Variants in ZNF710 observed in about 807,000 individuals in gnomAD.
The protein encoded by ZNF710 is zinc finger protein 710.
A neutral mutation model predicts 50.6 loss-of-function variants in ZNF710; 13 were observed. The observed-to-expected ratio is 0.26, with a 90% CI of 0.17 to 0.41. The LOEUF is 0.41. ZNF710 is among the 10% of genes least tolerant of loss of function. The pLI is 1.00. For missense variants in ZNF710, 721 were observed against 936.6 expected (o/e 0.77, Z 3.01); for synonymous variants, 383 against 397.0 (o/e 0.96, Z 0.42).
chr15:90,067,676 C>T lies in ZNF710; in HGVS notation c.539C>T (p.Pro180Leu), dbSNP rs200113925. 211 of 1,612,866 alleles carry T rather than the reference C, an allele frequency of 1.3e-4. No homozygotes were observed. The African/African-American group carries it at 2.4e-3, about 19-fold the overall frequency. ...CGGCATCTGCCCCGAACCCCGAGGC[C>T]GGAGCTGAACGTGGCCCCATATGAC... ...TLRHLPRTPR[P>L]ELNVAPYDPH... Residue 180 changes from proline (P) to leucine (L), a missense_variant, in exon 2 of 5, where the codon CCG becomes CTG. By Grantham distance (98) the Pro-to-Leu change is moderately conservative. Around this residue, in one of 3 missense-constraint regions of ZNF710, gnomAD observed 326 missense variants for 347.1 expected, o/e 0.94. Transcript: ENST00000268154. The surrounding 1 kb of genome is among the most constrained non-coding windows in gnomAD (Gnocchi z 8.1).
At chr15:90,041,551 A>G (rs1031183843) in intron 1 of ZNF710, among the ~76,000 whole-genome samples, 6 of 152,200 alleles carry the variant, frequency 3.9e-5, no homozygotes, top group Non-Finnish European at 8.8e-5. Flanking sequence ...ACTTTAATAT[A>G]TTAAAATAAC....
At chr15:90,076,478 T>C (rs887122297) in intron 4 of ZNF710, 2 of 152,250 alleles carry the variant, frequency 1.3e-5, no homozygotes, top group Non-Finnish European at 2.9e-5. Flanking sequence ...CTCACGCCTA[T>C]AATCCCAACA....
intron 1 of ZNF710, among the ~76,000 whole-genome samples, chr15:90,060,212 A>G (rs1033325010): frequency 2.0e-5 from 3 of 151,668 alleles, no homozygotes; most frequent in African/African-American, 7.3e-5. Flanking sequence ...TGCCCCTTCT[A>G]TCTACCCACA....
chr15:90,039,616 A>G (rs1899237760), intron 1 of ZNF710, among the ~76,000 whole-genome samples: 1 of 152,174 alleles, frequency 6.6e-6, no homozygotes, highest in South Asian at 2.1e-4. Flanking sequence ...CATGATTAGG[A>G]GCCCTCGGTG....
At chr15:90,072,051 G>C (rs371361559) in intron 2 of ZNF710, among the ~76,000 whole-genome samples, 2 of 151,632 alleles carry the variant, frequency 1.3e-5, no homozygotes, top group East Asian at 3.9e-4. Flanking sequence ...TGATCCTCTT[G>C]CCTCAGCCTC....
chr15:90,080,039 G>A lies in ZNF710; in HGVS notation c.*210G>A. 2.1e-6 allele frequency: 1 copy of A among 475,812 alleles called. No homozygotes were observed. The highest frequency in any genetic ancestry group is 3.3e-5 in the South Asian group (1 of 30,518). 29.5% of individuals were successfully genotyped at this position (475,812 alleles called of 1,614,324 possible). A position where few individuals can be genotyped will look rare whatever the true frequency, so the allele number is the denominator to read the frequency against. The stretch of plus-strand genomic sequence containing the variant: ...CGGCTGTGAGCCAGCACAGGCCCAG[G>A]CATCCCAGCAAGGGAAGGAGAACAC... On this transcript the variant is annotated 3_prime_UTR_variant, in exon 5 of 5. Transcript: ENST00000268154.
chr15:90,067,298 C>T lies in ZNF710; in HGVS notation c.161C>T (p.Ala54Val), dbSNP rs775296142. 1.2e-6 allele frequency: 2 copies of T among 1,611,120 alleles called. No homozygotes were observed. Among genetic ancestry groups the T allele is most frequent in the South Asian group, 2.2e-5 (2 of 90,668 alleles). Residue 54 changes from alanine to valine, a missense_variant, in exon 2 of 5, where the codon GCA (alanine) becomes GTA (valine). Around this residue, in one of 3 missense-constraint regions of ZNF710, gnomAD observed 326 missense variants for 347.1 expected, o/e 0.94. Coordinates refer to ENST00000268154, the MANE Select transcript of ZNF710 (RefSeq NM_198526.4). This position sits in a 1 kb window ranked among gnomAD's most constrained non-coding sequence, Gnocchi z 8.1. Reference protein sequence around the residue: ...YPDLGPELSGAAMGEPEPPGP... With the variant: ...YPDLGPELSGVAMGEPEPPGP... ...GACCTGGGGCCCGAGCTTTCAGGGG[C>T]AGCCATGGGAGAGCCCGAGCCACCA...
intron 1 of ZNF710, among the ~76,000 whole-genome samples, chr15:90,056,331 T>C (rs932210524): frequency 3.3e-5 from 5 of 151,998 alleles, no homozygotes; most frequent in African/African-American, 4.8e-5. Context: ...GGAGAATCAA[T>C]TGAATCCAGA....
intron 1 of ZNF710, among the ~76,000 whole-genome samples, chr15:90,001,981 G>C (rs957749404): frequency 6.7e-6 from 1 of 148,910 alleles, no homozygotes; most frequent in Non-Finnish European, 1.5e-5. Flanking sequence ...GAGAGAGAGA[G>C]AGAGAGAGAG....
chr15:90,079,654 T>G lies in ZNF710; in HGVS notation c.1826-6T>G. ...AGCCAGGTCTGACTGTGCCCCTCTC[T>G]TACAGACCCCATGATGGAGCTGACA... On this transcript the variant is annotated splice_polypyrimidine_tract_variant and splice_region_variant and intron_variant, in intron 4 of 4. Coordinates refer to ENST00000268154, the MANE Select transcript of ZNF710 (RefSeq NM_198526.4). 1 of 1,612,062 alleles carries G rather than the reference T, an allele frequency of 6.2e-7. No homozygotes were observed. The highest frequency in any genetic ancestry group is 8.5e-7 in the Non-Finnish European group (1 of 1,179,180).
rs1399013686 is a variant in ZNF710, at chr15:90,001,497, G to GTGGAGGC, written c.-145_-139dup. The GTGGAGGC allele has an allele frequency of 2.0e-5, 3 of 150,688 alleles. No homozygotes were observed. The highest frequency in any genetic ancestry group is 3.2e-3 in the Middle Eastern group (1 of 310). The allele number at this position is 150,688 out of a possible 1,614,324, so 9.3% of individuals were successfully genotyped here. On this transcript the variant is annotated 5_prime_UTR_variant, in exon 1 of 5. Transcript: ENST00000268154. ...CGGCAGGAGCAGGCGGCGGGCGCGC[G>GTGGAGGC]TGGAGGCGGGCGGCGGGCGCACAGC...
intron 1 of ZNF710, among the ~76,000 whole-genome samples, chr15:90,057,164 G>A (rs1788199229): frequency 6.6e-6 from 1 of 152,160 alleles, no homozygotes; most frequent in African/African-American, 2.4e-5. Context: ...TCCAAGAGAG[G>A]AAACTTTGGC....
At chr15:90,076,349 C>A (rs1348246682) in intron 4 of ZNF710, 1 of 152,238 alleles carries the variant, frequency 6.6e-6, no homozygotes, top group African/African-American at 2.4e-5. Context: ...TGGATCTGCC[C>A]TGTTGCTAAC....
rs1315872304 is a variant in ZNF710, at chr15:90,068,079, C to G, written c.942C>G (p.Ile314Met). Residue 314 changes from isoleucine to methionine, a missense_variant, in exon 2 of 5, where the codon ATC (isoleucine) becomes ATG (methionine). Around this residue, in one of 3 missense-constraint regions of ZNF710, gnomAD observed 326 missense variants for 522.0 expected, o/e 0.62. Transcript: ENST00000268154. The surrounding 1 kb of genome is among the most constrained non-coding windows in gnomAD (Gnocchi z 5.0). ...CCAAGTACAACCTGGTGACGCACATCCTGGGCCACAACGGCATCAAGCCAC... is the reference window on the plus strand; with the variant it reads ...CCAAGTACAACCTGGTGACGCACATGCTGGGCCACAACGGCATCAAGCCAC... ...YTSKYNLVTH[I>M]LGHNGIKPHS... 1 of 1,614,258 alleles carries G rather than the reference C, an allele frequency of 6.2e-7. No homozygotes were observed. The highest frequency in any genetic ancestry group is 8.5e-7 in the Non-Finnish European group (1 of 1,180,050).
rs1481952365 is a variant in ZNF710, at chr15:90,067,697, A to G, written c.560A>G (p.Tyr187Cys). 1.2e-6 allele frequency: 2 copies of G among 1,611,222 alleles called. No individual in the cohort carries two copies. The highest frequency in any genetic ancestry group is 1.7e-5 in the Admixed American group (1 of 59,862). ...TPRPELNVAP[Y>C]DPHFPAPARD... is the part of the protein sequence containing the mutation. Reference sequence around the variant, plus strand: ...AGGCCGGAGCTGAACGTGGCCCCATATGACCCTCACTTCCCGGCCCCGGCC... The same window carrying G: ...AGGCCGGAGCTGAACGTGGCCCCATGTGACCCTCACTTCCCGGCCCCGGCC... The change falls in exon 2 of 5, where the codon TAT becomes TGT. Residue 187 changes from tyrosine (Y) to cysteine (C), a missense_variant. Tyr to Cys is a radical substitution (Grantham distance 194). Coordinates refer to ENST00000268154, the MANE Select transcript of ZNF710 (RefSeq NM_198526.4). This position sits in a 1 kb window ranked among gnomAD's most constrained non-coding sequence, Gnocchi z 8.1.
At position 90,042,227 on chromosome 15, in the gene ZNF710, C is replaced by T. The variant is rs114185054; in HGVS notation, c.-28-24883C>T. On this transcript the variant is annotated intron_variant, in intron 1 of 4. Transcript: ENST00000268154. ...GCCTCTTTGTATTTTCCATGCCCCC[C>T]CTTCTCTCCAGCCTCCTTGTTGGGT... Among the ~76,000 whole-genome samples the T allele has an allele frequency of 9.1e-3, 1,386 of 152,192 alleles. 22 individuals are homozygous for T. The highest frequency in any genetic ancestry group is 0.031 in the African/African-American group (1,298 of 41,516).
In ZNF710 at chr15:90,034,428, CTGTGTGTGTGTGTGTGTGTG is replaced by C. The variant is rs398028304; in HGVS notation, c.-28-32654_-28-32635del. Among the ~76,000 whole-genome samples, 33 of 136,278 alleles carry C rather than the reference CTGTGTGTGTGTGTGTGTGTG, an allele frequency of 2.4e-4. No homozygotes were observed. The highest frequency in any genetic ancestry group is 1.6e-3 in the East Asian group (7 of 4,436). The allele number at this position is 136,278 out of a possible 152,430, so 89.4% of individuals were successfully genotyped here. A position where few individuals can be genotyped will look rare whatever the true frequency, so the allele number is the denominator to read the frequency against. ...AGCTGTCCTTCCTGTTTCCAAATTC[CTGTGTGTGTGTGTGTGTGTG>C]TGTGTGTGTGTGTGTGTGTGTGTGT... On this transcript the variant is annotated intron_variant, in intron 1 of 4. Coordinates refer to ENST00000268154, the MANE Select transcript of ZNF710 (RefSeq NM_198526.4). The surrounding 1 kb of genome is among the most constrained non-coding windows in gnomAD (Gnocchi z 4.0).
In ZNF710 at chr15:90,081,649, C is replaced by T. The variant is rs539709291; in HGVS notation, c.*1820C>T. On this transcript the variant is annotated 3_prime_UTR_variant, in exon 5 of 5. Coordinates refer to ENST00000268154, the MANE Select transcript of ZNF710 (RefSeq NM_198526.4). ...GCAGTGACCCCGTCACTGTATAAGA[C>T]ATTTTCTCCTGCTGAGCAGAAGGCA... is the stretch of plus-strand genomic sequence containing the variant. 3 of 152,454 alleles carry T rather than the reference C, an allele frequency of 2.0e-5. No homozygotes were observed. The highest frequency in any genetic ancestry group is 4.1e-4 in the South Asian group (2 of 4,838). The allele number at this position is 152,454 out of a possible 1,614,324, so 9.4% of individuals were successfully genotyped here.
rs1899029601 is a variant in ZNF710 at position 90,034,056 on chromosome 15, G to T, written c.-29+32442G>T. Among the ~76,000 whole-genome samples the T allele has an allele frequency of 6.6e-6, 1 of 152,222 alleles. No homozygotes were observed. The highest frequency in any genetic ancestry group is 3.4e-3 in the Middle Eastern group (1 of 294). ...GTCTTTACTAAAAGTACAAAAATTA[G>T]CTGGGCGTGGTAGCAGCTGTAGTCC... On this transcript the variant is annotated intron_variant, in intron 1 of 4. Transcript: ENST00000268154. This position sits in a 1 kb window ranked among gnomAD's most constrained non-coding sequence, Gnocchi z 4.0.
Sources: allele counts gnomAD v4.1 joint callset (sites outside exome capture counted in the v4.1 genomes callset), GRCh38; gene constraint gnomAD v4.1.1; regional missense constraint gnomAD v4.1.1; non-coding constraint Gnocchi (gnomAD v3.1); transcripts MANE v1.5; gene names NCBI Gene and HGNC (gene_info 2026-07-23, HGNC 2026-07-21).